The following MYCBP2 variants were observed in gnomAD, a reference collection of about 807,000 sequenced individuals.
MYCBP2 encodes MYC binding protein 2, also known as E3 ubiquitin-protein ligase MYCBP2.
In MYCBP2, 120 loss-of-function variants were observed where a neutral mutation model predicts 525.3. That is an observed-to-expected ratio of 0.23 (90% CI 0.20 to 0.27). The LOEUF is 0.27. Ranked by LOEUF, MYCBP2 falls within the 10% of genes least tolerant of loss-of-function variation. The pLI, the probability that MYCBP2 is intolerant of heterozygous loss-of-function variation, is 1.00. For synonymous variants in MYCBP2, 1,894 were observed against 1,955.8 expected (o/e 0.97, Z 0.83); for missense variants, 4,149 against 5,657.1 (o/e 0.73, Z 8.55).
At chr13:77,282,166 T>G (rs1023128109) in intron 3 of MYCBP2, among the ~76,000 whole-genome samples, 6 of 152,090 alleles carry the variant, frequency 3.9e-5, no homozygotes, top group Non-Finnish European at 8.8e-5. Context: ...ATCCCAGCAC[T>G]TTGGGAGGCC....
At chr13:77,239,386 G>C (rs567208443) in intron 17 of MYCBP2, among the ~76,000 whole-genome samples, 82 of 152,098 alleles carry the variant, frequency 5.4e-4, no homozygotes, top group Non-Finnish European at 7.6e-4. Context: ...CATTTTATTT[G>C]ATGTTTCTAT....
At chr13:77,268,186 C>T (rs1181041952) in intron 7 of MYCBP2, among the ~76,000 whole-genome samples, 1 of 152,150 alleles carries the variant, frequency 6.6e-6, no homozygotes. Context: ...AGTACAGTTA[C>T]AAACATTTTG....
chr13:77,198,349 T>C (rs932065673), intron 26 of MYCBP2, among the ~76,000 whole-genome samples: 2 of 152,340 alleles, frequency 1.3e-5, no homozygotes, highest in African/African-American at 4.8e-5. Flanking sequence ...AAGCAAATAT[T>C]TCTTTAAGTT....
chr13:77,225,462 G>C lies in MYCBP2; in HGVS notation c.2830C>G (p.Gln944Glu), dbSNP rs2066129772. 1 of 1,613,538 alleles carries C rather than the reference G, an allele frequency of 6.2e-7. No homozygotes were observed. The highest frequency in any genetic ancestry group is 1.3e-5 in the African/African-American group (1 of 74,886). ...GAATGGTGAAATCCACAGCTGACTT[G>C]GACTGCCCGGAGCTCACAGTCAAAT... ...VRFDCELRAV[Q>E]VSCGFHHSVV... Residue 944 changes from glutamine (Q) to glutamate (E), a missense_variant, in exon 19 of 83, where the codon CAA (glutamine) becomes GAA (glutamate). Physicochemically the swap from Gln to Glu is conservative, Grantham distance 29. Around this residue, in one of 21 missense-constraint regions of MYCBP2, gnomAD observed 620 missense variants for 795.5 expected, o/e 0.78. Transcript: ENST00000544440.
At position 77,110,659 on chromosome 13, in the gene MYCBP2, C is replaced by T. The variant is rs1005690451; in HGVS notation, c.8140+10714G>A. 3.3e-5 allele frequency among the ~76,000 whole-genome samples: 5 copies of T among 152,126 alleles called. No individual in the cohort carries two copies. In the East Asian group the frequency reaches 5.8e-4, roughly 18 times the overall value. Reference sequence around the variant, plus strand: ...TGGTTTTGTGGCTCAGAGGACATCACGGTCCTACCAATATGTGATGTCACC... The same window carrying T: ...TGGTTTTGTGGCTCAGAGGACATCATGGTCCTACCAATATGTGATGTCACC... On this transcript the variant is annotated intron_variant, in intron 55 of 82. Coordinates refer to ENST00000544440, the MANE Select transcript of MYCBP2 (RefSeq NM_015057.5).
Position 77,228,674 on chromosome 13 carries a change from T to C in MYCBP2, c.2738-3120A>G, listed in dbSNP as rs1594123319. 2.1e-5 allele frequency among the ~76,000 whole-genome samples: 3 copies of C among 145,034 alleles called. No individual in the cohort carries two copies. In the Admixed American group the frequency reaches 2.2e-4, roughly 10 times the overall value. Reference sequence around the variant, plus strand: ...TTTAAGTATGAGCACATCTGTATTTTCCCTAAGATGAATATGTTGTGTGTG... The same window carrying C: ...TTTAAGTATGAGCACATCTGTATTTCCCCTAAGATGAATATGTTGTGTGTG... On this transcript the variant is annotated intron_variant, in intron 18 of 82. Transcript: ENST00000544440.
intron 2 of MYCBP2, among the ~76,000 whole-genome samples, chr13:77,294,133 T>TATAC (rs1555465858): frequency 1.6e-5 from 2 of 127,272 alleles, no homozygotes; most frequent in Admixed American, 8.2e-5. Flanking sequence ...TATATATACA[T>TATAC]ATATATATAC....
intron 53 of MYCBP2, among the ~76,000 whole-genome samples, chr13:77,125,944 G>T (rs2051575115): frequency 1.3e-5 from 2 of 152,112 alleles, no homozygotes. Context: ...ACTTCAGTGA[G>T]ACCTATGAAT....
chr13:77,055,362 C>T (rs2037737166), intron 80 of MYCBP2, among the ~76,000 whole-genome samples, 196 bp downstream of exon 80: 1 of 152,096 alleles, frequency 6.6e-6, no homozygotes, highest in Admixed American at 6.5e-5. Context: ...AAAGTTTGTT[C>T]AGGTTAAATA....
intron 68 of MYCBP2, among the ~76,000 whole-genome samples, chr13:77,074,353 T>C (rs961057593): frequency 1.3e-5 from 2 of 152,054 alleles, no homozygotes; most frequent in African/African-American, 4.8e-5. Flanking sequence ...GAACTAAAAC[T>C]ATAACATTTC....
At chr13:77,144,813 A>G (rs1430717151) in intron 48 of MYCBP2, among the ~76,000 whole-genome samples, 1 of 152,180 alleles carries the variant, frequency 6.6e-6, no homozygotes, top group Non-Finnish European at 1.5e-5. Flanking sequence ...ATAAGCAATC[A>G]GATACAACCT....
chr13:77,193,666 C>T (rs1423898689), intron 27 of MYCBP2, among the ~76,000 whole-genome samples: 1 of 152,086 alleles, frequency 6.6e-6, no homozygotes, highest in Non-Finnish European at 1.5e-5. Context: ...TTTTTATAAA[C>T]TCCCAAAAGG....
chr13:77,117,941 G>A (rs1008939489), intron 55 of MYCBP2, among the ~76,000 whole-genome samples: 8 of 151,970 alleles, frequency 5.3e-5, no homozygotes, highest in African/African-American at 9.7e-5. Flanking sequence ...TGAGAAAACC[G>A]GGAAAACTAA....
chr13:77,164,710 A>G (rs1259381314), intron 42 of MYCBP2, among the ~76,000 whole-genome samples, 169 bp from the exon 43 acceptor site: 1 of 152,222 alleles, frequency 6.6e-6, no homozygotes, highest in African/African-American at 2.4e-5. Flanking sequence ...GTTGTGGCTC[A>G]GGCTGGTTAT....
intron 54 of MYCBP2, among the ~76,000 whole-genome samples, chr13:77,123,933 A>G (rs1377421828): frequency 2.0e-5 from 3 of 152,232 alleles, no homozygotes; most frequent in Non-Finnish European, 4.4e-5. Context: ...TAGTAAGTGA[A>G]AAAGTCATTT....
intron 15 of MYCBP2, among the ~76,000 whole-genome samples, chr13:77,249,616 A>T (rs1424308549): frequency 6.6e-6 from 1 of 152,060 alleles, no homozygotes; most frequent in Non-Finnish European, 1.5e-5. Context: ...GCTGGTTTCA[A>T]ACTCCTGGCC....
rs530495313 is a variant in MYCBP2 at position 77,081,399 on chromosome 13, G to C, written c.11418+28C>G. 4 of 1,583,880 alleles carry C rather than the reference G, an allele frequency of 2.5e-6. No homozygotes were observed. In the East Asian group the frequency reaches 9.0e-5, roughly 35 times the overall value. ...ATACTAAGATCTGAAAAGAGCTAAA[G>C]AGCCGTAAATCACGTTTGCTTTCTT... is the stretch of plus-strand genomic sequence containing the variant. On this transcript the variant is annotated intron_variant, in intron 65 of 82. Transcript: ENST00000544440. The surrounding 1 kb of genome is among the most constrained non-coding windows in gnomAD (Gnocchi z 4.6).
In MYCBP2 at chr13:77,270,392, A is replaced by G; in HGVS notation, c.1092T>C (p.Asp364=). 1.2e-6 allele frequency: 2 copies of G among 1,613,752 alleles called. No individual in the cohort carries two copies. The highest frequency in any genetic ancestry group is 4.5e-5 in the East Asian group (2 of 44,790). Residue 364 remains aspartate, a synonymous_variant, in exon 6 of 83, where the codon GAT becomes GAC. Transcript: ENST00000544440. ...CATCATTCTGAAGTAGACATTGGTC[A>G]TCTTCATCAACAGATATTTCTTTTA... is the stretch of plus-strand genomic sequence containing the variant. ...WPLKEISVDE[D]DQCLLQNDGF...
chr13:77,090,444 G>C (rs1293979065), intron 59 of MYCBP2, 181 bp from the exon 60 acceptor site: 1 of 437,966 alleles, frequency 2.3e-6, no homozygotes, highest in Non-Finnish European at 4.0e-6. Flanking sequence ...CATTTTGACT[G>C]ATTTCAGCAT....
Sources: gnomAD v4.1 joint callset for allele counts (sites outside exome capture counted in the v4.1 genomes callset) on GRCh38, gnomAD v4.1.1 for gene constraint, gnomAD v4.1.1 regional missense constraint, Gnocchi (gnomAD v3.1) non-coding constraint, MANE v1.5 for transcripts, NCBI Gene and HGNC (gene_info 2026-07-23, HGNC 2026-07-21) for gene names.